DDC: variants seen among roughly 807,000 people sequenced by gnomAD.
The protein encoded by DDC is dopa decarboxylase.
A neutral mutation model predicts 60.0 loss-of-function variants in DDC; 43 were observed. The ratio of observed to expected loss-of-function variants is 0.72; its 90% CI spans 0.56 to 0.92. The LOEUF (loss-of-function observed/expected upper bound fraction) is 0.92. Ranked by LOEUF, DDC falls within the 40% of genes least tolerant of loss-of-function variation. The probability of loss-of-function intolerance (pLI) is 0.00; values close to 1 mark genes in which losing one functional copy is unlikely to be tolerated. For synonymous variants in DDC, 232 were observed against 234.6 expected (o/e 0.99, Z 0.10); for missense variants, 573 against 620.2 (o/e 0.92, Z 0.81).
chr7:50,530,915 G>A (rs995861150), intron 4 of DDC, among the ~76,000 whole-genome samples: 2 of 152,136 alleles, frequency 1.3e-5, no homozygotes, highest in African/African-American at 4.8e-5. Context: ...CATTGACCCT[G>A]ATTTCTCATT....
chr7:50,564,158 C>G (rs545593101), intron 1 of DDC: 1 of 152,290 alleles, frequency 6.6e-6, no homozygotes, highest in Admixed American at 6.5e-5. Context: ...CAACATGTCC[C>G]TGGTTTCAAA....
intron 1 of DDC, among the ~76,000 whole-genome samples, chr7:50,545,913 C>A (rs1430361608): frequency 6.6e-6 from 1 of 152,092 alleles, no homozygotes; most frequent in South Asian, 2.1e-4. Flanking sequence ...TAGGATGGCA[C>A]AAGGAAAATG....
chr7:50,560,550 C>T (rs575156688), intron 1 of DDC, among the ~76,000 whole-genome samples: 26 of 152,212 alleles, frequency 1.7e-4, no homozygotes, highest in African/African-American at 4.8e-4. Context: ...GAAGGAAAGG[C>T]GGCCAGGGAG....
intron 13 of DDC, among the ~76,000 whole-genome samples, chr7:50,465,839 C>T (rs2153533478): frequency 6.6e-6 from 1 of 152,366 alleles, no homozygotes; most frequent in East Asian, 1.9e-4. Flanking sequence ...GGTTGGTTGA[C>T]TGGACACATC....
intron 13 of DDC, among the ~76,000 whole-genome samples, chr7:50,463,809 A>G (rs1003275798): frequency 4.6e-5 from 7 of 152,322 alleles, no homozygotes; most frequent in African/African-American, 1.4e-4. Flanking sequence ...TCACGGAAAC[A>G]TAGAAGAGTC....
chr7:50,509,977 CT>C (rs35484306), intron 6 of DDC, among the ~76,000 whole-genome samples: 111 of 148,638 alleles, frequency 7.5e-4, no homozygotes, highest in Non-Finnish European at 8.1e-4. Flanking sequence ...ACTTACGTAT[CT>C]TTTTTTTTTT....
chr7:50,555,322 A>G (rs73125211), intron 1 of DDC, among the ~76,000 whole-genome samples: 9,140 of 152,278 alleles, frequency 0.06, 375 homozygotes, highest in Middle Eastern at 0.11. Flanking sequence ...AACGAGACCC[A>G]GGACAGGCTG....
chr7:50,508,681 T>C (rs1205550046), intron 6 of DDC, among the ~76,000 whole-genome samples: 1 of 152,108 alleles, frequency 6.6e-6, no homozygotes, highest in Non-Finnish European at 1.5e-5. Flanking sequence ...TACAGCCCCT[T>C]TGAGAATATA....
At chr7:50,479,701 C>A in intron 10 of DDC, 86 bp downstream of exon 10, 1 of 1,150,324 alleles carries the variant, frequency 8.7e-7, no homozygotes, top group Admixed American at 1.7e-5. Context: ...TATGGATGGT[C>A]TTCCCCTAAC....
chr7:50,541,681 C>T (rs184549782), intron 2 of DDC, among the ~76,000 whole-genome samples: 1 of 152,320 alleles, frequency 6.6e-6, no homozygotes, highest in Non-Finnish European at 1.5e-5. Context: ...CTTCCTGTCT[C>T]TAGAACTGTG....
At chr7:50,467,806 A>G (rs561958071) in intron 12 of DDC, among the ~76,000 whole-genome samples, 1 of 152,298 alleles carries the variant, frequency 6.6e-6, no homozygotes, top group South Asian at 2.1e-4. Flanking sequence ...GTGCACCCGG[A>G]GGCCTTGGCT....
intron 11 of DDC, among the ~76,000 whole-genome samples, chr7:50,471,896 G>A (rs997658806): frequency 6.6e-6 from 1 of 152,168 alleles, no homozygotes; most frequent in Non-Finnish European, 1.5e-5. Flanking sequence ...CAGCATGGGC[G>A]CTGTGTTCCA....
At chr7:50,529,431 A>C (rs2044135444) in intron 4 of DDC, 89 bp from the exon 5 acceptor site, 1 of 1,521,556 alleles carries the variant, frequency 6.6e-7, no homozygotes, top group Non-Finnish European at 9.1e-7. Flanking sequence ...TTTTGTGTCC[A>C]TAGTTTTCTT....
At chr7:50,479,162 C>T (rs1191062764) in intron 10 of DDC, among the ~76,000 whole-genome samples, 1 of 152,156 alleles carries the variant, frequency 6.6e-6, no homozygotes, top group Non-Finnish European at 1.5e-5. Context: ...GTGCTGTGGC[C>T]CCAGAGCAGC....
intron 2 of DDC, among the ~76,000 whole-genome samples, chr7:50,541,124 G>T (rs1443408565): frequency 6.6e-6 from 1 of 152,202 alleles, no homozygotes; most frequent in South Asian, 2.1e-4. Context: ...CTGTGACCAC[G>T]CACTGGTTTC....
chr7:50,540,750 G>T (rs527656716), intron 2 of DDC, among the ~76,000 whole-genome samples: 2 of 152,340 alleles, frequency 1.3e-5, no homozygotes, highest in South Asian at 2.1e-4. Flanking sequence ...CCTGGGTGAG[G>T]CACAGAGGAA....
At chr7:50,559,908 G>A (rs181930419) in intron 1 of DDC, among the ~76,000 whole-genome samples, 64 of 152,326 alleles carry the variant, frequency 4.2e-4, no homozygotes, top group African/African-American at 1.5e-3. Flanking sequence ...TGTGGCAAGG[G>A]GAGTTAAGGG....
intron 1 of DDC, among the ~76,000 whole-genome samples, chr7:50,560,862 A>T (rs1585301238): frequency 6.6e-6 from 1 of 152,158 alleles, no homozygotes; most frequent in East Asian, 1.9e-4. Context: ...CTGAATGCTC[A>T]GCTGTCCCTG....
At chr7:50,480,522 G>A (rs906977416) in intron 9 of DDC, among the ~76,000 whole-genome samples, 3 of 152,216 alleles carry the variant, frequency 2.0e-5, no homozygotes, top group African/African-American at 7.2e-5. Context: ...GGACAGAACT[G>A]TGGGTAACCT....
Sources: gnomAD v4.1 joint callset for allele counts (sites outside exome capture counted in the v4.1 genomes callset) on GRCh38, gnomAD v4.1.1 for gene constraint, MANE v1.5 for transcripts, NCBI Gene and HGNC (gene_info 2026-07-23, HGNC 2026-07-21) for gene names.